Variants in MAML3 observed in about 807,000 individuals in gnomAD.
MAML3 encodes mastermind-like protein 3.
MAML3 carries 27 observed loss-of-function variants against 101.9 expected under a neutral mutation model. The ratio of observed to expected loss-of-function variants is 0.27; its 90% CI spans 0.20 to 0.37. The LOEUF (loss-of-function observed/expected upper bound fraction) is 0.37. Ranked by LOEUF, MAML3 falls within the 10% of genes least tolerant of loss-of-function variation. The pLI is 1.00. For missense variants in MAML3, 1,316 were observed against 1,444.9 expected (o/e 0.91, Z 1.45); for synonymous variants, 501 against 555.9 (o/e 0.90, Z 1.39).
At chr4:139,801,982 A>C (rs1730617973) in intron 2 of MAML3, among the ~76,000 whole-genome samples, 8 of 152,146 alleles carry the variant, frequency 5.3e-5, no homozygotes, top group Admixed American at 5.2e-4. Context: ...CCCACTTCAG[A>C]ATGCGGCTGC....
chr4:139,754,943 T>A (rs1379741493), intron 2 of MAML3, among the ~76,000 whole-genome samples: 1 of 152,252 alleles, frequency 6.6e-6, no homozygotes, highest in South Asian at 2.1e-4. Context: ...GGTCGGCCTC[T>A]GTTCTCCTTA....
chr4:139,911,755 A>G lies in MAML3; in HGVS notation c.469-20788T>C, dbSNP rs188087159. On this transcript the variant is annotated intron_variant, in intron 1 of 4. Coordinates refer to ENST00000509479, the MANE Select transcript of MAML3 (RefSeq NM_018717.5). ...CCCTCACTCTTTCCATCATGTGAAGACATCGGAAGAAGACAGTTGTCTATG... is the reference window on the plus strand; with the variant it reads ...CCCTCACTCTTTCCATCATGTGAAGGCATCGGAAGAAGACAGTTGTCTATG... Among the ~76,000 whole-genome samples, 25 of 152,342 alleles carry G rather than the reference A, an allele frequency of 1.6e-4. No individual in the cohort carries two copies. The East Asian group carries it at 4.1e-3, about 25-fold the overall frequency.
At chr4:139,843,234 T>C (rs1275068998) in intron 2 of MAML3, among the ~76,000 whole-genome samples, 2 of 152,198 alleles carry the variant, frequency 1.3e-5, no homozygotes, top group Non-Finnish European at 2.9e-5. Context: ...ATTACCTTAC[T>C]GCTTCCAACC....
intron 1 of MAML3, among the ~76,000 whole-genome samples, chr4:140,095,427 A>C (rs1244560078): frequency 2.6e-5 from 4 of 151,958 alleles, no homozygotes; most frequent in Admixed American, 2.6e-4. Context: ...ATTGGCAACA[A>C]CACCCTGCGC....
chr4:139,736,714 G>A (rs1278192367), intron 2 of MAML3, among the ~76,000 whole-genome samples: 1 of 152,130 alleles, frequency 6.6e-6, no homozygotes, highest in Non-Finnish European at 1.5e-5. Context: ...GAGCTTGTTA[G>A]AAATGCAAAT....
intron 1 of MAML3, among the ~76,000 whole-genome samples, chr4:140,117,111 GTC>G (rs1728528784): frequency 6.6e-6 from 1 of 152,058 alleles, no homozygotes; most frequent in Admixed American, 6.6e-5. Context: ...GATTTCTCTA[GTC>G]TCTTCCTTTT....
At chr4:139,751,599 G>C (rs1468220918) in intron 2 of MAML3, among the ~76,000 whole-genome samples, 1 of 152,144 alleles carries the variant, frequency 6.6e-6, no homozygotes. Context: ...CAGCTTTTCC[G>C]ATTAGGGATG....
At chr4:139,814,012 G>T (rs1397326864) in intron 2 of MAML3, among the ~76,000 whole-genome samples, 1 of 86,674 alleles carries the variant, frequency 1.2e-5, no homozygotes, top group African/African-American at 4.2e-5. Flanking sequence ...GCTAGCTACA[G>T]TACACAAACA....
At chr4:139,874,390 T>G (rs1407620757) in intron 2 of MAML3, among the ~76,000 whole-genome samples, 1 of 152,192 alleles carries the variant, frequency 6.6e-6, no homozygotes, top group Non-Finnish European at 1.5e-5. Context: ...GAGCCAAGAT[T>G]GATTTTTTTT....
At chr4:139,737,131 A>AC (rs898599253) in intron 2 of MAML3, among the ~76,000 whole-genome samples, 17 of 152,168 alleles carry the variant, frequency 1.1e-4, no homozygotes, top group African/African-American at 3.6e-4. Flanking sequence ...GGAGCATCAG[A>AC]CATCCCTAGA....
At chr4:139,998,390 A>G (rs1002689165) in intron 1 of MAML3, among the ~76,000 whole-genome samples, 2 of 152,092 alleles carry the variant, frequency 1.3e-5, no homozygotes, top group Non-Finnish European at 2.9e-5. Context: ...TTCTCTATTG[A>G]TTCATGTTTG....
chr4:139,794,705 T>C (rs1730482613), intron 2 of MAML3, among the ~76,000 whole-genome samples: 1 of 152,240 alleles, frequency 6.6e-6, no homozygotes, highest in East Asian at 1.9e-4. Context: ...GCTCCCTGTG[T>C]TGTGGCTAAA....
At chr4:140,036,858 T>C (rs1237365210) in intron 1 of MAML3, among the ~76,000 whole-genome samples, 1 of 152,150 alleles carries the variant, frequency 6.6e-6, no homozygotes, top group Non-Finnish European at 1.5e-5. Flanking sequence ...TTGGTGTGTA[T>C]TTTAGAAAAC....
chr4:139,721,944 A>T (rs1421508904), intron 4 of MAML3, among the ~76,000 whole-genome samples: 1 of 152,192 alleles, frequency 6.6e-6, no homozygotes, highest in Non-Finnish European at 1.5e-5. Flanking sequence ...GAAATGGGTT[A>T]TTGAGTTGTT....
At position 140,152,912 on chromosome 4, in the gene MAML3, T is replaced by C. The variant is rs1177185199; in HGVS notation, c.416A>G (p.Gln139Arg). ...CGCCGAGGCAGCCTCCGCATCTTGC[T>C]GGGGTTTGCTCGGGTGCTGCTGTTT... Reference protein sequence around the residue: ...TGKQQHPSKPQQDAEAASAEQ... With the variant: ...TGKQQHPSKPRQDAEAASAEQ... Residue 139 changes from glutamine to arginine, a missense_variant, in exon 1 of 5, where the codon CAG (glutamine) becomes CGG (arginine). By Grantham distance (43) the Gln-to-Arg change is conservative (BLOSUM62 1). Transcript: ENST00000509479. 2 of 1,612,572 alleles carry C rather than the reference T, an allele frequency of 1.2e-6. No individual in the cohort carries two copies. Among genetic ancestry groups the C allele is most frequent in the Non-Finnish European group, 1.7e-6 (2 of 1,179,710 alleles).
At chr4:139,923,787 A>G (rs1733172998) in intron 1 of MAML3, among the ~76,000 whole-genome samples, 1 of 152,234 alleles carries the variant, frequency 6.6e-6, no homozygotes. Context: ...GTCATAAGTT[A>G]CTGACCTTAT....
At chr4:139,758,480 C>T (rs1230290577) in intron 2 of MAML3, among the ~76,000 whole-genome samples, 2 of 152,144 alleles carry the variant, frequency 1.3e-5, no homozygotes, top group East Asian at 1.9e-4. Context: ...GATGTATGCC[C>T]AGCTGTTCAT....
chr4:140,111,859 T>G (rs1307906775), intron 1 of MAML3, among the ~76,000 whole-genome samples: 1 of 152,228 alleles, frequency 6.6e-6, no homozygotes, highest in African/African-American at 2.4e-5. Context: ...TTTGTTCTCC[T>G]CTTCCAGCTT....
chr4:140,030,869 T>A (rs1162851970), intron 1 of MAML3, among the ~76,000 whole-genome samples: 1 of 152,164 alleles, frequency 6.6e-6, no homozygotes, highest in Non-Finnish European at 1.5e-5. Context: ...GGCACTGCTG[T>A]GTTAAGCAGA....
Sources: gnomAD v4.1 joint callset for allele counts (sites outside exome capture counted in the v4.1 genomes callset) on GRCh38, gnomAD v4.1.1 for gene constraint, MANE v1.5 for transcripts, NCBI Gene and HGNC (gene_info 2026-07-23, HGNC 2026-07-21) for gene names.